Variants in AP3B1 observed in about 807,000 individuals in gnomAD.
The protein encoded by AP3B1 is adaptor related protein complex 3 subunit beta 1.
Under a neutral mutation model 132.5 loss-of-function variants are expected in AP3B1, and 61 were observed. The observed-to-expected ratio is 0.46, with a 90% CI of 0.37 to 0.57. The LOEUF is 0.57. Among genes scored for constraint, AP3B1 ranks in the 20% least tolerant of loss-of-function variants. The pLI is 0.00. For synonymous variants in AP3B1, 388 were observed against 438.3 expected, an observed-to-expected ratio of 0.89 and a Z score of 1.43; for missense variants, 1,120 against 1,289.4, an observed-to-expected ratio of 0.87 and a Z score of 2.01.
At chr5:78,083,238 G>A (rs368205555) in intron 22 of AP3B1, among the ~76,000 whole-genome samples, 6 of 152,244 alleles carry the variant, frequency 3.9e-5, no homozygotes, top group African/African-American at 1.4e-4. Context: ...AACAAAAAAC[G>A]CAAAGGATGA....
chr5:78,184,510 C>A (rs148615110), intron 7 of AP3B1, among the ~76,000 whole-genome samples: 3 of 151,818 alleles, frequency 2.0e-5, no homozygotes, highest in Admixed American at 2.0e-4. Flanking sequence ...CACGGTGAAA[C>A]CCCGCCTCTA....
intron 20 of AP3B1, among the ~76,000 whole-genome samples, chr5:78,105,014 T>C (rs913820792): frequency 6.6e-6 from 1 of 152,210 alleles, no homozygotes; most frequent in African/African-American, 2.4e-5. Context: ...CTTTTAATAT[T>C]AAGTATTATT....
intron 3 of AP3B1, 48 bp downstream of exon 3, chr5:78,240,814 T>C: frequency 7.8e-7 from 1 of 1,284,918 alleles, no homozygotes; most frequent in Non-Finnish European, 1.1e-6. Flanking sequence ...AAGTGTACGG[T>C]CCCATGAAAA....
chr5:78,083,590 G>A (rs953088072), intron 22 of AP3B1, among the ~76,000 whole-genome samples: 2 of 152,028 alleles, frequency 1.3e-5, no homozygotes, highest in South Asian at 2.1e-4. Context: ...TAAGTTAACC[G>A]GTTTGTTCAC....
intron 9 of AP3B1, 110 bp downstream of exon 9, chr5:78,177,229 G>A: frequency 2.7e-6 from 2 of 729,696 alleles, no homozygotes; most frequent in South Asian, 3.4e-5. Flanking sequence ...CTGATCGATT[G>A]ATTAAAATAT....
chr5:78,025,044 A>G (rs1223031737), intron 24 of AP3B1, among the ~76,000 whole-genome samples: 1 of 152,116 alleles, frequency 6.6e-6, no homozygotes, highest in Admixed American at 6.5e-5. Context: ...GCACAGTAAG[A>G]AATACAGACA....
intron 13 of AP3B1, among the ~76,000 whole-genome samples, chr5:78,160,286 C>T (rs369788215): frequency 6.6e-6 from 1 of 152,078 alleles, no homozygotes; most frequent in South Asian, 2.1e-4. Context: ...AAAACAAAGT[C>T]TTCTGCCCCA....
At chr5:78,239,778 CAA>C (rs560151932) in intron 3 of AP3B1, among the ~76,000 whole-genome samples, 5 of 77,344 alleles carry the variant, frequency 6.5e-5, no homozygotes, top group Admixed American at 1.5e-4. Context: ...GACTCTGTCT[CAA>C]AAAAAAAAAA....
intron 8 of AP3B1, among the ~76,000 whole-genome samples, chr5:78,180,591 G>T (rs538414621): frequency 6.6e-5 from 10 of 151,754 alleles, no homozygotes; most frequent in Non-Finnish European, 1.2e-4. Flanking sequence ...CATCCAAAAA[G>T]AATAATTTAA....
intron 7 of AP3B1, among the ~76,000 whole-genome samples, chr5:78,207,230 C>T (rs188958739): frequency 6.8e-6 from 1 of 146,560 alleles, no homozygotes; most frequent in East Asian, 2.0e-4. Flanking sequence ...TGTACTCCAC[C>T]TTGGGTGACA....
At chr5:78,117,573 G>C (rs1561418264) in intron 17 of AP3B1, among the ~76,000 whole-genome samples, 1 of 152,072 alleles carries the variant, frequency 6.6e-6, no homozygotes, top group Non-Finnish European at 1.5e-5. Context: ...ACCTCCCAAA[G>C]TGCTGGGATT....
intron 20 of AP3B1, among the ~76,000 whole-genome samples, chr5:78,103,486 C>A (rs1461056298): frequency 6.6e-6 from 1 of 152,152 alleles, no homozygotes; most frequent in African/African-American, 2.4e-5. Flanking sequence ...AATATTTATA[C>A]AAAACCATCA....
At chr5:78,237,852 C>G (rs1227380404) in intron 3 of AP3B1, among the ~76,000 whole-genome samples, 1 of 152,186 alleles carries the variant, frequency 6.6e-6, no homozygotes, top group Admixed American at 6.5e-5. Flanking sequence ...CCTTAAAATG[C>G]TATAATCCAG....
Position 78,165,658 on chromosome 5 carries a change from T to C in AP3B1, c.1182A>G (p.Thr394=). The C allele has an allele frequency of 6.2e-7, 1 of 1,606,672 alleles. No homozygotes were observed. Reference sequence around the variant, plus strand: ...ATATGTTGGCTTCATTTGCCAAGTTTGTCAAAATTTCAAGCTATAGTAGAG... The same window carrying C: ...ATATGTTGGCTTCATTTGCCAAGTTCGTCAAAATTTCAAGCTATAGTAGAG... ...MIKTLKLEIL[T]NLANEANIST... Residue 394 remains threonine, a synonymous_variant, in exon 12 of 27, where the codon ACA becomes ACG. Coordinates refer to ENST00000255194, the MANE Select transcript of AP3B1 (RefSeq NM_003664.5).
chr5:78,252,927 C>T (rs1747701911), intron 2 of AP3B1, among the ~76,000 whole-genome samples: 3 of 152,226 alleles, frequency 2.0e-5, no homozygotes, highest in Admixed American at 1.3e-4. Flanking sequence ...TGTGCAAGAC[C>T]CAGTCCTGTG....
intron 1 of AP3B1, among the ~76,000 whole-genome samples, chr5:78,292,852 C>G (rs1024371258): frequency 2.6e-5 from 4 of 151,518 alleles, no homozygotes; most frequent in South Asian, 2.1e-4. Flanking sequence ...TTTTCCAAAT[C>G]AGGTCCAAAT....
intron 17 of AP3B1, 108 bp from the exon 18 acceptor site, chr5:78,116,342 C>A: frequency 1.1e-6 from 1 of 922,904 alleles, no homozygotes; most frequent in South Asian, 1.4e-5. Context: ...AAGCTTAAGG[C>A]CTCCACAGGG....
At chr5:78,043,230 G>A (rs1309447948) in intron 22 of AP3B1, 1 of 156,574 alleles carries the variant, frequency 6.4e-6, no homozygotes, top group Non-Finnish European at 1.4e-5. Context: ...CCACCTCCTG[G>A]TGGATCCTCC....
At chr5:78,016,838 TACAA>T (rs1046144163) in intron 25 of AP3B1, among the ~76,000 whole-genome samples, 5 of 152,204 alleles carry the variant, frequency 3.3e-5, no homozygotes, top group African/African-American at 4.8e-5. Context: ...TTAAAAACTA[TACAA>T]ACAGTCAAAC....
Sources: allele counts gnomAD v4.1 joint callset (sites outside exome capture counted in the v4.1 genomes callset), GRCh38; gene constraint gnomAD v4.1.1; transcripts MANE v1.5; gene names NCBI Gene and HGNC (gene_info 2026-07-23, HGNC 2026-07-21).